The following TAF1D variants were observed in gnomAD, a reference collection of about 807,000 sequenced individuals.
TAF1D encodes the protein TATA box-binding protein-associated factor RNA polymerase I subunit D.
A neutral mutation model predicts 26.2 loss-of-function variants in TAF1D; 23 were observed. That is an observed-to-expected ratio of 0.88 (90% CI 0.63 to 1.25). TAF1D has a LOEUF of 1.25. Ranked by LOEUF, TAF1D falls within the 50% of genes most tolerant of loss-of-function variation. The probability of loss-of-function intolerance (pLI) is 0.00; values close to 1 mark genes in which losing one functional copy is unlikely to be tolerated. For missense variants in TAF1D, 299 were observed against 322.0 expected (o/e 0.93, Z 0.55); for synonymous variants, 100 against 105.6 (o/e 0.95, Z 0.33).
chr11:93,738,761 T>C (rs1175206277), intron 2 of TAF1D, among the ~76,000 whole-genome samples: 2 of 152,170 alleles, frequency 1.3e-5, no homozygotes, highest in Non-Finnish European at 2.9e-5. Flanking sequence ...AGTGGTGCAA[T>C]CACAGCTCAC....
At chr11:93,731,467 A>G (rs776142806), downstream of TAF1D, 203 of 516,488 alleles carry the variant, frequency 3.9e-4, no homozygotes, top group Admixed American at 1.6e-3. Flanking sequence ...AGCTTTTATA[A>G]TCTTCTGAAA....
chr11:93,737,625 T>C (rs543618884), intron 3 of TAF1D, among the ~76,000 whole-genome samples: 1 of 152,320 alleles, frequency 6.6e-6, no homozygotes, highest in African/African-American at 2.4e-5. Context: ...ATAAATTAAT[T>C]CTGAATTCAT....
chr11:93,735,452 G>A (rs1940549779), downstream of TAF1D: 4 of 563,478 alleles, frequency 7.1e-6, no homozygotes, highest in Admixed American at 1.2e-4. Flanking sequence ...GGAGGCCAAG[G>A]CAGGCGGATC....
At chr11:93,736,888 G>A in intron 4 of TAF1D, 137 bp from the exon 5 acceptor site, 1 of 1,148,770 alleles carries the variant, frequency 8.7e-7, no homozygotes, top group Non-Finnish European at 1.2e-6. Flanking sequence ...GTGTTCTGGA[G>A]AATTCTAGAT....
chr11:93,730,983 G>A (rs1329305770), downstream of TAF1D: 1 of 515,668 alleles, frequency 1.9e-6, no homozygotes, highest in Non-Finnish European at 3.9e-6. Flanking sequence ...TTAATCAACT[G>A]TTCCCAATAA....
At position 93,738,367 on chromosome 11, in the gene TAF1D, G is replaced by C. The variant is rs778946316; in HGVS notation, c.201C>G (p.Asp67Glu). The change falls in exon 3 of 6, where the codon GAC (aspartate) becomes GAG (glutamate). Residue 67 changes from aspartate (D) to glutamate (E), a missense_variant. Physicochemically the swap from Asp to Glu is conservative, Grantham distance 45. Coordinates refer to ENST00000448108, the MANE Select transcript of TAF1D (RefSeq NM_024116.4). The stretch of plus-strand genomic sequence containing the variant: ...TCAATGGTATTGGTTCAAAAGATGA[G>C]TCACTTGATGAATCACTTGCGTGAA... Reference protein sequence around the residue: ...ESVHASDSSSDSSFEPIPLTI... With the variant: ...ESVHASDSSSESSFEPIPLTI... 3 of 1,613,800 alleles carry C rather than the reference G, an allele frequency of 1.9e-6. No homozygotes were observed. Among genetic ancestry groups the C allele is most frequent in the Non-Finnish European group, 1.7e-6 (2 of 1,179,956 alleles).
At chr11:93,730,277 G>A (rs1249426908) in exon 12 of TAF1D, 4 of 1,534,264 alleles carry the variant, frequency 2.6e-6, no homozygotes, top group South Asian at 2.4e-5. Flanking sequence ...TGACTTTCTA[G>A]AAATAGTGTA....
chr11:93,741,392 C>T lies in TAF1D; in HGVS notation c.-98G>A. 1 of 352,518 alleles carries T rather than the reference C, an allele frequency of 2.8e-6. No homozygotes were observed. The highest frequency in any genetic ancestry group is 5.7e-6 in the Non-Finnish European group (1 of 176,344). The allele number at this position is 352,518 out of a possible 1,614,324, so 21.8% of individuals were successfully genotyped here. A position where few individuals can be genotyped will look rare whatever the true frequency, so the allele number is the denominator to read the frequency against. ...AACCCAGGCCTCGGCCCAAAACCCG[C>T]GACTGGCCTGGTGTCCTAGAGCTCT... On this transcript the variant is annotated 5_prime_UTR_variant, in exon 1 of 6. Coordinates refer to ENST00000448108, the MANE Select transcript of TAF1D (RefSeq NM_024116.4).
At position 93,738,149 on chromosome 11, in the gene TAF1D, TTC is replaced by T. The variant is rs748453701; in HGVS notation, c.417_418del (p.Asn140Ter). ...TTTTCTCCAAGGTGCGTTTTTTTCATTCTCTGATTCTAAAAATGGGAAGCCAG... is the reference window on the plus strand; with the variant it reads ...TTTTCTCCAAGGTGCGTTTTTTTCATTCTGATTCTAAAAATGGGAAGCCAG... On this transcript the variant is annotated frameshift_variant, in exon 3 of 6. Coordinates refer to ENST00000448108, the MANE Select transcript of TAF1D (RefSeq NM_024116.4). LOFTEE classifies it high-confidence loss of function. 1.5e-5 allele frequency: 24 copies of T among 1,565,636 alleles called. No individual in the cohort carries two copies. The highest frequency in any genetic ancestry group is 1.8e-5 in the Non-Finnish European group (21 of 1,165,838).
downstream of TAF1D, chr11:93,731,634 T>C (rs1217017586): frequency 2.0e-6 from 1 of 501,134 alleles, no homozygotes; most frequent in Non-Finnish European, 4.0e-6. Context: ...TACTCCTAAG[T>C]GGTGATAGAT....
At chr11:93,735,229 T>G (rs931750874), downstream of TAF1D, 1 of 1,350,632 alleles carries the variant, frequency 7.4e-7, no homozygotes, top group Non-Finnish European at 9.8e-7. Flanking sequence ...AAAACATACA[T>G]AAGTGCAGTC....
chr11:93,737,324 C>T lies in TAF1D; in HGVS notation c.460-85G>A, dbSNP rs115498625. 274 of 901,110 alleles carry T rather than the reference C, an allele frequency of 3.0e-4. No individual in the cohort carries two copies. In the African/African-American group the frequency reaches 4.2e-3, roughly 14 times the overall value. 55.8% of individuals were successfully genotyped at this position (901,110 alleles called of 1,614,324 possible). A position where few individuals can be genotyped will look rare whatever the true frequency, so the allele number is the denominator to read the frequency against. ...CTATGTTCAAAAAGGGCAATGCCCC[C>T]CCTTAGCAAAGACTCTGAATTTGCT... On this transcript the variant is annotated intron_variant, in intron 3 of 5. Transcript: ENST00000448108.
intron 4 of TAF1D, 113 bp downstream of exon 4, chr11:93,736,949 CTG>C: frequency 5.4e-6 from 6 of 1,116,210 alleles, no homozygotes; most frequent in African/African-American, 1.6e-5. Context: ...TTGTCATACT[CTG>C]TATCTTTGTT....
Position 93,736,014 on chromosome 11 carries a change from A to G in TAF1D, c.*147T>C. ...AAGTTTCTTTCACAAACTTCTTCAC[A>G]GGGTTAAAAATTTTTTTTCTTGTTA... On this transcript the variant is annotated 3_prime_UTR_variant, in exon 6 of 6. Transcript: ENST00000448108. 7.1e-7 allele frequency: 1 copy of G among 1,410,510 alleles called. No homozygotes were observed. Among genetic ancestry groups the G allele is most frequent in the Non-Finnish European group, 9.2e-7 (1 of 1,086,758 alleles). The allele number at this position is 1,410,510 out of a possible 1,614,324, so 87.4% of individuals were successfully genotyped here.
At chr11:93,732,017 C>T (rs1939119162), downstream of TAF1D, 1 of 517,646 alleles carries the variant, frequency 1.9e-6, no homozygotes, top group Non-Finnish European at 3.8e-6. Context: ...TGTTACAGGT[C>T]TCATTGTCAC....
chr11:93,741,390 C>A lies in TAF1D; in HGVS notation c.-96G>T. On this transcript the variant is annotated 5_prime_UTR_variant, in exon 1 of 6. Transcript: ENST00000448108. ...GTAACCCAGGCCTCGGCCCAAAACC[C>A]GCGACTGGCCTGGTGTCCTAGAGCT... 1 of 357,978 alleles carries A rather than the reference C, an allele frequency of 2.8e-6. No homozygotes were observed. The highest frequency in any genetic ancestry group is 3.5e-4 in the Middle Eastern group (1 of 2,896). The allele number at this position is 357,978 out of a possible 1,614,324, so 22.2% of individuals were successfully genotyped here. A position where few individuals can be genotyped will look rare whatever the true frequency, so the allele number is the denominator to read the frequency against.
rs1328695994 is a variant in TAF1D at position 93,741,386 on chromosome 11, A to C, written c.-92T>G. ...GCTTGTAACCCAGGCCTCGGCCCAAAACCCGCGACTGGCCTGGTGTCCTAG... is the reference window on the plus strand; with the variant it reads ...GCTTGTAACCCAGGCCTCGGCCCAACACCCGCGACTGGCCTGGTGTCCTAG... On this transcript the variant is annotated 5_prime_UTR_variant, in exon 1 of 6. Coordinates refer to ENST00000448108, the MANE Select transcript of TAF1D (RefSeq NM_024116.4). 2.6e-6 allele frequency: 1 copy of C among 390,762 alleles called. No homozygotes were observed. The highest frequency in any genetic ancestry group is 2.7e-5 in the African/African-American group (1 of 36,720). The allele number at this position is 390,762 out of a possible 1,614,324, so 24.2% of individuals were successfully genotyped here.
At chr11:93,736,379 C>T (rs1940748897) in intron 5 of TAF1D, 75 bp from the exon 6 acceptor site, 1 of 1,479,354 alleles carries the variant, frequency 6.8e-7, no homozygotes, top group African/African-American at 1.4e-5. Flanking sequence ...AGCTGAATGC[C>T]CTGGATTACT....
downstream of TAF1D, chr11:93,734,098 C>G (rs1940109103): frequency 6.5e-6 from 1 of 152,984 alleles, no homozygotes; most frequent in South Asian, 2.0e-4. Context: ...AGTATTGCAA[C>G]AGAGGATGTT....
Sources: allele counts gnomAD v4.1 joint callset (sites outside exome capture counted in the v4.1 genomes callset), GRCh38; gene constraint gnomAD v4.1.1; transcripts MANE v1.5; gene names NCBI Gene and HGNC (gene_info 2026-07-23, HGNC 2026-07-21).